Variants in CPEB2 observed in about 807,000 individuals in gnomAD.
CPEB2 encodes cytoplasmic polyadenylation element-binding protein 2.
CPEB2 carries 56 observed loss-of-function variants against 93.6 expected under a neutral mutation model. That is an observed-to-expected ratio of 0.60 (90% CI 0.48 to 0.75). The LOEUF (loss-of-function observed/expected upper bound fraction) is 0.75, where lower values mean the gene tolerates loss of function less well. Among genes scored for constraint, CPEB2 ranks in the 30% least tolerant of loss-of-function variants. CPEB2 has a pLI of 0.00. For missense variants in CPEB2, 1,579 were observed against 1,395.1 expected (o/e 1.13, Z -2.10); for synonymous variants, 764 against 586.3 (o/e 1.30, Z -4.38).
At chr4:15,017,905 AATT>A (rs1169151784) in intron 4 of CPEB2, 2 of 151,896 alleles carry the variant, frequency 1.3e-5, no homozygotes, top group South Asian at 2.1e-4. Flanking sequence ...GAAAAAAAGC[AATT>A]ATTATATATT....
At chr4:15,021,660 G>A (rs533510783) in intron 4 of CPEB2, among the ~76,000 whole-genome samples, 34 of 152,250 alleles carry the variant, frequency 2.2e-4, no homozygotes, top group African/African-American at 8.2e-4. Context: ...GAAGATCTGT[G>A]TCAGTAAGTC....
At position 15,002,867 on chromosome 4, in the gene CPEB2, T is replaced by G; in HGVS notation, c.194T>G (p.Phe65Cys). 1 of 1,529,688 alleles carries G rather than the reference T, an allele frequency of 6.5e-7. No individual in the cohort carries two copies. The highest frequency in any genetic ancestry group is 1.4e-5 in the African/African-American group (1 of 72,098). The allele number at this position is 1,529,688 out of a possible 1,614,324, so 94.8% of individuals were successfully genotyped here. A position where few individuals can be genotyped will look rare whatever the true frequency, so the allele number is the denominator to read the frequency against. ...VTGFLEAASP[F>C]SVPLGGGAGS... is the part of the protein sequence containing the mutation. ...GGCTTCTTAGAGGCCGCCTCCCCCTTCTCCGTCCCCCTCGGCGGCGGCGCG... is the reference window on the plus strand; with the variant it reads ...GGCTTCTTAGAGGCCGCCTCCCCCTGCTCCGTCCCCCTCGGCGGCGGCGCG... Residue 65 changes from phenylalanine to cysteine, a missense_variant, in exon 1 of 12, where the codon TTC (phenylalanine) becomes TGC (cysteine). Around this residue, in one of 2 missense-constraint regions of CPEB2, gnomAD observed 1,411 missense variants for 1,056.0 expected, o/e 1.34. Coordinates refer to ENST00000538197, the MANE Select transcript of CPEB2 (RefSeq NM_001177382.2).
intron 5 of CPEB2, among the ~76,000 whole-genome samples, chr4:15,038,324 C>T (rs2109043059): frequency 6.6e-6 from 1 of 152,276 alleles, no homozygotes; most frequent in East Asian, 1.9e-4. Flanking sequence ...TTAATTTTCT[C>T]AATAGGTCAA....
chr4:15,039,533 C>T (rs1025997254), intron 5 of CPEB2, among the ~76,000 whole-genome samples: 3 of 147,510 alleles, frequency 2.0e-5, no homozygotes, highest in Non-Finnish European at 3.0e-5. Flanking sequence ...TTGTTTACTG[C>T]CTTGACTTCA....
chr4:15,046,258 G>A (rs1438811650), intron 6 of CPEB2, among the ~76,000 whole-genome samples: 1 of 151,864 alleles, frequency 6.6e-6, no homozygotes, highest in Non-Finnish European at 1.5e-5. Context: ...TTTTGCTCGT[G>A]CTGCCCAGGC....
At chr4:15,044,700 A>G (rs1209059329) in intron 6 of CPEB2, among the ~76,000 whole-genome samples, 5 of 152,182 alleles carry the variant, frequency 3.3e-5, no homozygotes, top group African/African-American at 4.8e-5. Context: ...AAATAGATCA[A>G]TCTGAAATAT....
chr4:15,040,544 T>C, intron 6 of CPEB2, 57 bp downstream of exon 6: 1 of 1,420,226 alleles, frequency 7.0e-7, no homozygotes. Context: ...TACTGATCAA[T>C]GTTGTAATTA....
rs1728893331 is a variant in CPEB2 at position 15,058,320 on chromosome 4, T to G, written c.2462-101T>G. 4 of 692,158 alleles carry G rather than the reference T, an allele frequency of 5.8e-6. No individual in the cohort carries two copies. In the Admixed American group the frequency reaches 9.5e-5, roughly 16 times the overall value. The allele number at this position is 692,158 out of a possible 1,614,324, so 42.9% of individuals were successfully genotyped here. ...TGGTTTTTCATCCTATTTGATAGTT[T>G]GTTTTTTTTTTTCAAAAGCATGTAT... On this transcript the variant is annotated intron_variant, in intron 8 of 11. Transcript: ENST00000538197.
At chr4:15,008,274 T>G (rs1723073991) in intron 2 of CPEB2, 64 bp from the exon 3 acceptor site, 2 of 1,107,338 alleles carry the variant, frequency 1.8e-6, no homozygotes, top group Non-Finnish European at 2.8e-6. Flanking sequence ...CTTTCTTTCT[T>G]TCGTTGGGTG....
chr4:15,053,467 T>C (rs192395930), intron 7 of CPEB2, among the ~76,000 whole-genome samples: 1 of 152,322 alleles, frequency 6.6e-6, no homozygotes, highest in Admixed American at 6.5e-5. Flanking sequence ...AGAAAATTAA[T>C]TGAAGACTTA....
intron 8 of CPEB2, among the ~76,000 whole-genome samples, chr4:15,055,795 C>T (rs1273247156): frequency 6.6e-6 from 1 of 152,166 alleles, no homozygotes; most frequent in Non-Finnish European, 1.5e-5. Context: ...CACAAACTGG[C>T]CTTGTTCTCT....
At position 15,003,239 on chromosome 4, in the gene CPEB2, A is replaced by G. The variant is rs777366254; in HGVS notation, c.566A>G (p.His189Arg). 6.6e-7 allele frequency: 1 copy of G among 1,505,950 alleles called. No individual in the cohort carries two copies. Among genetic ancestry groups the G allele is most frequent in the Admixed American group, 2.1e-5 (1 of 48,232 alleles). The allele number at this position is 1,505,950 out of a possible 1,614,324, so 93.3% of individuals were successfully genotyped here. A position where few individuals can be genotyped will look rare whatever the true frequency, so the allele number is the denominator to read the frequency against. Residue 189 changes from histidine (H) to arginine (R), a missense_variant, in exon 1 of 12, where the codon CAC (histidine) becomes CGC (arginine). Transcript: ENST00000538197. ...GAGTTCAGCCCTCCCCACCTTCCCC[A>G]CCCTCCGGACTCGAAGCCGCCGCCG... ...RKEFSPPHLP[H>R]PPDSKPPPPP...
chr4:15,059,119 AAAAC>A (rs1437600300), intron 9 of CPEB2, 64 bp from the exon 10 acceptor site: 53 of 939,684 alleles, frequency 5.6e-5, no homozygotes, highest in African/African-American at 3.5e-4. Flanking sequence ...TTAACTGGCA[AAAAC>A]AAACAAACAG....
At chr4:15,008,779 A>G (rs1293991332) in intron 3 of CPEB2, among the ~76,000 whole-genome samples, 1 of 152,186 alleles carries the variant, frequency 6.6e-6, no homozygotes, top group Non-Finnish European at 1.5e-5. Context: ...TTTACTTAAC[A>G]TCTAGCTTTA....
chr4:15,044,267 C>T (rs1055974206), intron 6 of CPEB2, among the ~76,000 whole-genome samples: 5 of 152,164 alleles, frequency 3.3e-5, no homozygotes, highest in Non-Finnish European at 7.3e-5. Flanking sequence ...TGCCTTGAAA[C>T]TACAATGATA....
intron 8 of CPEB2, among the ~76,000 whole-genome samples, chr4:15,055,207 T>C (rs1728599000): frequency 6.6e-6 from 1 of 152,170 alleles, no homozygotes; most frequent in Non-Finnish European, 1.5e-5. Flanking sequence ...AATGCAATGT[T>C]TTTTTAATAC....
chr4:15,044,411 C>G (rs1017441187), intron 6 of CPEB2, among the ~76,000 whole-genome samples: 18 of 152,108 alleles, frequency 1.2e-4, no homozygotes, highest in Non-Finnish European at 2.5e-4. Context: ...AGTGTCTGCT[C>G]TACACCTATA....
chr4:15,044,743 T>C (rs1727494906), intron 6 of CPEB2, among the ~76,000 whole-genome samples: 1 of 152,160 alleles, frequency 6.6e-6, no homozygotes, highest in African/African-American at 2.4e-5. Flanking sequence ...TTTAAATTAA[T>C]GTTTGGTAAC....
chr4:15,063,633 G>A (rs763170698), intron 11 of CPEB2: 1 of 152,068 alleles, frequency 6.6e-6, no homozygotes, highest in Non-Finnish European at 1.5e-5. Flanking sequence ...GGTCACAGAC[G>A]ACGTTATTTA....
Sources: gnomAD v4.1 joint callset for allele counts (sites outside exome capture counted in the v4.1 genomes callset) on GRCh38, gnomAD v4.1.1 for gene constraint, gnomAD v4.1.1 regional missense constraint, MANE v1.5 for transcripts, NCBI Gene and HGNC (gene_info 2026-07-23, HGNC 2026-07-21) for gene names.